LRRC1: variants seen among roughly 807,000 people sequenced by gnomAD.
LRRC1 encodes leucine rich repeat containing 1.
Under a neutral mutation model 69.9 loss-of-function variants are expected in LRRC1, and 28 were observed. The observed-to-expected ratio is 0.40, with a 90% CI of 0.30 to 0.55. LRRC1 has a LOEUF of 0.55. Ranked by LOEUF, LRRC1 falls within the 20% of genes least tolerant of loss-of-function variation. The probability of loss-of-function intolerance (pLI) is 0.47; values close to 1 mark genes in which losing one functional copy is unlikely to be tolerated. For synonymous variants in LRRC1, 236 were observed against 240.2 expected, an observed-to-expected ratio of 0.98 and a Z score of 0.16; for missense variants, 498 against 609.0, an observed-to-expected ratio of 0.82 and a Z score of 1.92.
At chr6:53,892,939 A>C (rs759546875) in intron 4 of LRRC1, among the ~76,000 whole-genome samples, 6 of 152,230 alleles carry the variant, frequency 3.9e-5, no homozygotes, top group Non-Finnish European at 7.3e-5. Flanking sequence ...AGGAGTCTAT[A>C]GTCAGAGCCT....
At chr6:53,807,396 A>C (rs908235361) in intron 1 of LRRC1, among the ~76,000 whole-genome samples, 2 of 152,220 alleles carry the variant, frequency 1.3e-5, no homozygotes, top group Non-Finnish European at 2.9e-5. Context: ...CTAGGTAAGG[A>C]TGGAAAACAG....
intron 2 of LRRC1, among the ~76,000 whole-genome samples, chr6:53,845,079 C>T (rs9395879): frequency 0.37 from 56,621 of 151,820 alleles, 11,053 homozygotes; most frequent in East Asian, 0.68. Context: ...TGGCACGTGC[C>T]TGTAATCCCA....
intron 1 of LRRC1, among the ~76,000 whole-genome samples, chr6:53,831,392 C>T (rs1011292504): frequency 6.6e-6 from 1 of 152,140 alleles, no homozygotes; most frequent in African/African-American, 2.4e-5. Context: ...TATTCTATTG[C>T]TTGACCATAC....
At chr6:53,865,786 A>G (rs1766683586) in intron 2 of LRRC1, among the ~76,000 whole-genome samples, 1 of 148,784 alleles carries the variant, frequency 6.7e-6, no homozygotes, top group South Asian at 2.2e-4. Context: ...CAGTGGTGTG[A>G]TCTCGGCTCA....
At chr6:53,802,596 G>A (rs1026974990) in intron 1 of LRRC1, among the ~76,000 whole-genome samples, 1 of 152,196 alleles carries the variant, frequency 6.6e-6, no homozygotes, top group Non-Finnish European at 1.5e-5. Flanking sequence ...AGCCAGATGT[G>A]TTAAGGGTAG....
chr6:53,844,351 C>T (rs766357983), intron 2 of LRRC1, among the ~76,000 whole-genome samples: 5 of 152,244 alleles, frequency 3.3e-5, no homozygotes, highest in South Asian at 2.1e-4. Flanking sequence ...TTAAGAAAGA[C>T]GAAAAGTTTT....
At chr6:53,852,014 T>TG in intron 2 of LRRC1, among the ~76,000 whole-genome samples, 1 of 152,370 alleles carries the variant, frequency 6.6e-6, no homozygotes, top group Middle Eastern at 3.4e-3. Flanking sequence ...GAGGAATCCT[T>TG]GAAGTACTTC....
At position 53,920,671 on chromosome 6, in the gene LRRC1, C is replaced by G. The variant is rs1314997427; in HGVS notation, c.1326C>G (p.Val442=). 6.2e-7 allele frequency: 1 copy of G among 1,614,002 alleles called. No homozygotes were observed. Among genetic ancestry groups the G allele is most frequent in the African/African-American group, 1.3e-5 (1 of 74,912 alleles). The change falls in exon 13 of 14, where the codon GTC becomes GTG. Residue 442 remains valine (V), a synonymous_variant. Coordinates refer to ENST00000370888, the MANE Select transcript of LRRC1 (RefSeq NM_018214.5). ...CACTGGAGAACTTGGTAAATGATGT[C>G]TCTGATGAAGCCTGGAACGAGCGTG... The part of the protein sequence containing the change: ...CGALENLVND[V]SDEAWNERAV...
At chr6:53,910,268 A>G (rs970578623) in intron 10 of LRRC1, among the ~76,000 whole-genome samples, 2 of 152,210 alleles carry the variant, frequency 1.3e-5, no homozygotes, top group African/African-American at 4.8e-5. Context: ...GCTTAAAAAT[A>G]TCAGCTTCCT....
At chr6:53,867,191 C>T (rs149096015) in intron 2 of LRRC1, among the ~76,000 whole-genome samples, 16 of 152,080 alleles carry the variant, frequency 1.1e-4, no homozygotes, top group Admixed American at 6.5e-4. Flanking sequence ...ACCTCCTTAA[C>T]GTTTTTGTGA....
At chr6:53,915,486 G>A (rs1768535343) in intron 11 of LRRC1, among the ~76,000 whole-genome samples, 4 of 152,154 alleles carry the variant, frequency 2.6e-5, no homozygotes, top group Admixed American at 2.6e-4. Context: ...TTTACAGCTT[G>A]AGAAGGGTAC....
Position 53,822,609 on chromosome 6 carries a change from G to A in LRRC1, c.160-19501G>A, listed in dbSNP as rs563822149. ...GCCAGGCCCTGATAAATGCGTGGAC[G>A]GTGAAGTGGTTGGTTCACGTTTTGA... On this transcript the variant is annotated intron_variant, in intron 1 of 13. Coordinates refer to ENST00000370888, the MANE Select transcript of LRRC1 (RefSeq NM_018214.5). Among the ~76,000 whole-genome samples the A allele has an allele frequency of 1.4e-3, 213 of 152,266 alleles. 2 individuals carry two copies. Among genetic ancestry groups the A allele is most frequent in the Non-Finnish European group, 2.0e-3 (138 of 68,026 alleles).
At chr6:53,811,890 G>A (rs1764803369) in intron 1 of LRRC1, among the ~76,000 whole-genome samples, 1 of 152,236 alleles carries the variant, frequency 6.6e-6, no homozygotes, top group Non-Finnish European at 1.5e-5. Context: ...TGCAGTGAAT[G>A]CATATTGATG....
At position 53,822,479 on chromosome 6, in the gene LRRC1, C is replaced by T. The variant is rs80071543; in HGVS notation, c.160-19631C>T. ...AGAGCCAGGAAAGTTGTTGGCATTT[C>T]CATTATCTTCATAAATAAGTGACTT... On this transcript the variant is annotated intron_variant, in intron 1 of 13. Coordinates refer to ENST00000370888, the MANE Select transcript of LRRC1 (RefSeq NM_018214.5). 2.0e-3 allele frequency among the ~76,000 whole-genome samples: 298 copies of T among 152,290 alleles called. 4 individuals are homozygous for T. The East Asian group carries it at 0.041, about 21-fold the overall frequency.
intron 1 of LRRC1, among the ~76,000 whole-genome samples, chr6:53,834,554 C>G (rs780679117): frequency 1.1e-4 from 17 of 152,128 alleles, no homozygotes; most frequent in Non-Finnish European, 2.5e-4. Flanking sequence ...CAGCATGGCT[C>G]TGTTTGGGAA....
At chr6:53,841,624 C>G (rs1210361936) in intron 1 of LRRC1, among the ~76,000 whole-genome samples, 2 of 151,964 alleles carry the variant, frequency 1.3e-5, no homozygotes, top group Non-Finnish European at 2.9e-5. Context: ...TTAGACTGGT[C>G]AAAAATATAT....
intron 1 of LRRC1, among the ~76,000 whole-genome samples, chr6:53,830,802 T>A (rs1765404441): frequency 6.6e-6 from 1 of 151,654 alleles, no homozygotes; most frequent in Non-Finnish European, 1.5e-5. Context: ...GTAATTACGG[T>A]TTTTGCCATT....
intron 1 of LRRC1, among the ~76,000 whole-genome samples, chr6:53,826,127 C>G (rs1381232933): frequency 1.3e-5 from 2 of 151,526 alleles, no homozygotes; most frequent in Non-Finnish European, 2.9e-5. Flanking sequence ...CTGCCACCTA[C>G]TCCTGCCAGC....
intron 10 of LRRC1, 52 bp downstream of exon 10, chr6:53,904,514 A>G: frequency 1.7e-6 from 2 of 1,205,208 alleles, no homozygotes; most frequent in Non-Finnish European, 2.4e-6. Context: ...AAATAATAAT[A>G]ATACATAAGG....
Sources: gnomAD v4.1 joint callset for allele counts (sites outside exome capture counted in the v4.1 genomes callset) on GRCh38, gnomAD v4.1.1 for gene constraint, MANE v1.5 for transcripts, NCBI Gene and HGNC (gene_info 2026-07-23, HGNC 2026-07-21) for gene names.